The following NAV2 variants were observed in gnomAD, a reference collection of about 807,000 sequenced individuals.
NAV2 encodes helicase, APC down-regulated 1.
NAV2 carries 54 observed loss-of-function variants against 223.2 expected under a neutral mutation model. That is an observed-to-expected ratio of 0.24 (90% CI 0.19 to 0.30). The LOEUF (loss-of-function observed/expected upper bound fraction) is 0.30. Among genes scored for constraint, NAV2 ranks in the 10% least tolerant of loss-of-function variants. The pLI is 1.00. For missense variants in NAV2, 2,806 were observed against 3,147.5 expected (o/e 0.89, Z 2.60); for synonymous variants, 1,279 against 1,239.3 (o/e 1.03, Z -0.67).
chr11:19,579,246 A>G (rs1215748651), intron 1 of NAV2, among the ~76,000 whole-genome samples: 1 of 152,232 alleles, frequency 6.6e-6, no homozygotes, highest in East Asian at 1.9e-4. Flanking sequence ...AATGGATATA[A>G]TAAGACTTAT....
At chr11:19,941,270 T>A (rs1270604696) in intron 8 of NAV2, among the ~76,000 whole-genome samples, 1 of 152,048 alleles carries the variant, frequency 6.6e-6, no homozygotes, top group Non-Finnish European at 1.5e-5. Flanking sequence ...ATGCTGTCAA[T>A]CGGCTGCGGG....
chr11:20,045,688 T>C lies in NAV2; in HGVS notation c.3902+18T>C, dbSNP rs753057099. 3 of 1,589,878 alleles carry C rather than the reference T, an allele frequency of 1.9e-6. No individual in the cohort carries two copies. The highest frequency in any genetic ancestry group is 2.6e-6 in the Non-Finnish European group (3 of 1,159,704). The stretch of plus-strand genomic sequence containing the variant: ...CTCCGCAGGTAAGTGAGTACATAAA[T>C]GGTGCAGAGCAGAACCAGAATACAG... On this transcript the variant is annotated intron_variant, in intron 14 of 37. Transcript: ENST00000349880.
At chr11:20,038,463 A>G (rs1283322913) in intron 12 of NAV2, among the ~76,000 whole-genome samples, 1 of 152,228 alleles carries the variant, frequency 6.6e-6, no homozygotes, top group East Asian at 1.9e-4. Flanking sequence ...GTTTCTTTAA[A>G]TGGATTTTTA....
rs374075227 is a variant in NAV2, at chr11:19,842,282, T to G, written c.386-589T>G. On this transcript the variant is annotated intron_variant, in intron 2 of 37. Coordinates refer to ENST00000349880, the MANE Select transcript of NAV2 (RefSeq NM_145117.5). ...TTCTCTAAGTAGCTGGACACACATA[T>G]GTGTGTCCCTTGATCTAATTTGGAC... 4.6e-5 allele frequency among the ~76,000 whole-genome samples: 7 copies of G among 152,240 alleles called. 1 individual carries two copies. In the South Asian group the frequency reaches 8.3e-4, roughly 18 times the overall value.
intron 1 of NAV2, among the ~76,000 whole-genome samples, chr11:19,450,205 T>A (rs1172726926): frequency 6.6e-6 from 1 of 152,182 alleles, no homozygotes. Context: ...ACCCCTCTTC[T>A]GAGCACCTGG....
chr11:19,587,089 C>T (rs570940807), intron 1 of NAV2, among the ~76,000 whole-genome samples: 1 of 152,326 alleles, frequency 6.6e-6, no homozygotes, highest in South Asian at 2.1e-4. Flanking sequence ...GGACACCCCT[C>T]CCCCAGCCTT....
At chr11:19,838,105 G>A (rs1408708454) in intron 2 of NAV2, among the ~76,000 whole-genome samples, 1 of 152,188 alleles carries the variant, frequency 6.6e-6, no homozygotes, top group Non-Finnish European at 1.5e-5. Flanking sequence ...TACTATTCCT[G>A]TGACTTTTCT....
At chr11:19,384,560 T>C (rs1848962190) in intron 1 of NAV2, 2 of 152,180 alleles carry the variant, frequency 1.3e-5, no homozygotes, top group South Asian at 4.1e-4. Flanking sequence ...ATTATGGGTG[T>C]TATTTGCATG....
At chr11:19,762,207 C>T (rs563542838) in intron 1 of NAV2, among the ~76,000 whole-genome samples, 2 of 152,314 alleles carry the variant, frequency 1.3e-5, no homozygotes, top group Admixed American at 6.5e-5. Context: ...TGCACCACTG[C>T]ACTCCAGCCT....
chr11:19,838,489 C>T (rs1356573734), intron 2 of NAV2, among the ~76,000 whole-genome samples: 1 of 152,152 alleles, frequency 6.6e-6, no homozygotes, highest in Non-Finnish European at 1.5e-5. Flanking sequence ...AAGGCAAAGT[C>T]GGGCAGGGCC....
rs67561376 is a variant in NAV2 at position 19,527,937 on chromosome 11, G to GACACACACACACACACACACACACAC, written c.75+176920_75+176945dup. ...TCACAAGGAGATAGCTCCCTGCCCT[G>GACACACACACACACACACACACACAC]ACACACACACACACACACACACACA... On this transcript the variant is annotated intron_variant, in intron 1 of 37. Coordinates refer to the NAV2 transcript ENST00000360655. Among the ~76,000 whole-genome samples, 624 of 143,260 alleles carry GACACACACACACACACACACACACAC rather than the reference G, an allele frequency of 4.4e-3. 16 individuals are homozygous for GACACACACACACACACACACACACAC. Among genetic ancestry groups the GACACACACACACACACACACACACAC allele is most frequent in the African/African-American group, 0.016 (606 of 37,024 alleles). The allele number at this position is 143,260 out of a possible 152,430, so 94.0% of individuals were successfully genotyped here.
In NAV2 at chr11:20,103,295, A is replaced by G. The variant is rs1459155714; in HGVS notation, c.6458A>G (p.Asn2153Ser). 1.2e-6 allele frequency: 2 copies of G among 1,614,096 alleles called. No individual in the cohort carries two copies. Among genetic ancestry groups the G allele is most frequent in the Non-Finnish European group, 8.5e-7 (1 of 1,180,028 alleles). ...CTGTCCAACCTTGCTGACCAGTGCA[A>G]CAGTGAGAACAATGCTGTGGACATG... ...QYLSNLADQC[N>S]SENNAVDMPL... Residue 2153 changes from asparagine (N) to serine (S), a missense_variant, in exon 33 of 38, where the codon AAC becomes AGC. Physicochemically the swap from Asn to Ser is conservative, Grantham distance 46 (BLOSUM62 1). Coordinates refer to ENST00000349880, the MANE Select transcript of NAV2 (RefSeq NM_145117.5).
Position 19,842,690 on chromosome 11 carries a change from C to T in NAV2, c.386-181C>T, listed in dbSNP as rs150806963. Among the ~76,000 whole-genome samples, 32 of 152,264 alleles carry T rather than the reference C, an allele frequency of 2.1e-4. No homozygotes were observed. In the East Asian group the frequency reaches 3.9e-3, roughly 18 times the overall value. ...CCTTGCCCCAGCTGTCCCTGGAGGACGGCAGCTCGATGAGTAAGTCCTGAA... is the reference window on the plus strand; with the variant it reads ...CCTTGCCCCAGCTGTCCCTGGAGGATGGCAGCTCGATGAGTAAGTCCTGAA... On this transcript the variant is annotated intron_variant, in intron 2 of 37. Coordinates refer to ENST00000349880, the MANE Select transcript of NAV2 (RefSeq NM_145117.5).
intron 1 of NAV2, among the ~76,000 whole-genome samples, chr11:19,540,684 T>TC (rs1299038268): frequency 6.6e-6 from 1 of 152,200 alleles, no homozygotes; most frequent in Admixed American, 6.5e-5. Context: ...CTGTAGCTGC[T>TC]CCCCCTGACC....
chr11:19,748,290 A>G (rs1161460447), intron 1 of NAV2, among the ~76,000 whole-genome samples: 1 of 152,168 alleles, frequency 6.6e-6, no homozygotes, highest in African/African-American at 2.4e-5. Flanking sequence ...GTAACCAAGG[A>G]TTGCAGAGTT....
chr11:19,960,565 C>T (rs1356438545), intron 10 of NAV2, among the ~76,000 whole-genome samples: 1 of 151,374 alleles, frequency 6.6e-6, no homozygotes, highest in Admixed American at 6.6e-5. Context: ...GTCCTGCATC[C>T]TTTAGGGCCA....
intron 1 of NAV2, among the ~76,000 whole-genome samples, chr11:19,398,735 C>A (rs143497002): frequency 2.0e-5 from 3 of 152,188 alleles, no homozygotes; most frequent in African/African-American, 4.8e-5. Flanking sequence ...CTTGACCCAT[C>A]ATTTGGGATT....
At chr11:20,113,704 C>T (rs1424801592) in intron 36 of NAV2, among the ~76,000 whole-genome samples, 8 of 152,100 alleles carry the variant, frequency 5.3e-5, no homozygotes, top group African/African-American at 1.2e-4. Flanking sequence ...TTTCAAGAAA[C>T]GGGGTTTTAT....
At chr11:19,398,812 C>T (rs1421437076) in intron 1 of NAV2, among the ~76,000 whole-genome samples, 1 of 152,210 alleles carries the variant, frequency 6.6e-6, no homozygotes, top group Non-Finnish European at 1.5e-5. Context: ...CGGGCCCCTC[C>T]TTCCCCCCAC....
Sources: allele counts gnomAD v4.1 joint callset (sites outside exome capture counted in the v4.1 genomes callset), GRCh38; gene constraint gnomAD v4.1.1; transcripts MANE v1.5; gene names NCBI Gene and HGNC (gene_info 2026-07-23, HGNC 2026-07-21).